Variants in NSRP1 observed in about 807,000 individuals in gnomAD.
NSRP1 encodes nuclear speckle splicing regulatory protein 1, also known as coiled-coil domain containing 55.
NSRP1 carries 24 observed loss-of-function variants against 54.7 expected under a neutral mutation model. The observed-to-expected ratio is 0.44, with a 90% CI of 0.32 to 0.62. The LOEUF (loss-of-function observed/expected upper bound fraction) is 0.62, where lower values mean the gene tolerates loss of function less well. Among genes scored for constraint, NSRP1 ranks in the 20% least tolerant of loss-of-function variants. The pLI is 0.06. For synonymous variants in NSRP1, 210 were observed against 213.8 expected, an observed-to-expected ratio of 0.98 and a Z score of 0.15; for missense variants, 596 against 651.2, an observed-to-expected ratio of 0.92 and a Z score of 0.92.
At chr17:30,149,774 G>A (rs187161387) in intron 2 of NSRP1, among the ~76,000 whole-genome samples, 239 of 149,660 alleles carry the variant, frequency 1.6e-3, no homozygotes, top group Middle Eastern at 7.0e-3. Flanking sequence ...GGTCAAGGCT[G>A]CAGTGAGCCA....
At chr17:30,173,086 C>A (rs1001162875) in intron 3 of NSRP1, among the ~76,000 whole-genome samples, 4 of 151,818 alleles carry the variant, frequency 2.6e-5, no homozygotes, top group Admixed American at 2.6e-4. Flanking sequence ...GCTTCAGCCT[C>A]CCGAGTAGCT....
chr17:30,141,775 G>T (rs1474071531), intron 2 of NSRP1, among the ~76,000 whole-genome samples: 1 of 152,172 alleles, frequency 6.6e-6, no homozygotes, highest in South Asian at 2.1e-4. Flanking sequence ...GGCCAAAGTG[G>T]GCGGATTGAT....
intron 6 of NSRP1, among the ~76,000 whole-genome samples, chr17:30,184,395 T>C (rs1042444031): frequency 3.3e-5 from 5 of 152,218 alleles, no homozygotes; most frequent in Non-Finnish European, 5.9e-5. Context: ...TTTTCTCTTT[T>C]CACTTCTACA....
At chr17:30,182,661 A>G (rs1035498612) in intron 6 of NSRP1, among the ~76,000 whole-genome samples, 5 of 143,636 alleles carry the variant, frequency 3.5e-5, no homozygotes, top group African/African-American at 1.3e-4. Context: ...ATGGCTGGGC[A>G]CGGTGGCTCA....
intron 2 of NSRP1, among the ~76,000 whole-genome samples, chr17:30,123,833 C>G (rs1392469764): frequency 6.6e-6 from 1 of 152,060 alleles, no homozygotes; most frequent in South Asian, 2.1e-4. Flanking sequence ...ATTAAATCGT[C>G]CATCGTCTAT....
chr17:30,120,998 T>C (rs1025304926), intron 2 of NSRP1, among the ~76,000 whole-genome samples: 1 of 152,058 alleles, frequency 6.6e-6, no homozygotes. Flanking sequence ...AAAATAGAGG[T>C]GAAATAATTT....
chr17:30,133,332 A>T (rs1473347793), intron 2 of NSRP1, among the ~76,000 whole-genome samples: 2 of 152,146 alleles, frequency 1.3e-5, no homozygotes, highest in Non-Finnish European at 2.9e-5. Context: ...TAGTGTGTTG[A>T]TAGGCCTGAA....
chr17:30,140,818 G>A (rs892253131), intron 2 of NSRP1, among the ~76,000 whole-genome samples: 4 of 152,070 alleles, frequency 2.6e-5, no homozygotes, highest in African/African-American at 7.2e-5. Flanking sequence ...GTGAGCCACC[G>A]CATCCGGCCC....
At chr17:30,139,965 A>C (rs902473845) in intron 2 of NSRP1, among the ~76,000 whole-genome samples, 2 of 152,194 alleles carry the variant, frequency 1.3e-5, no homozygotes, top group African/African-American at 2.4e-5. Flanking sequence ...CGGAGCTTGC[A>C]GTGAACCGAG....
intron 2 of NSRP1, among the ~76,000 whole-genome samples, chr17:30,156,958 T>C (rs968415089): frequency 6.6e-6 from 1 of 152,218 alleles, no homozygotes; most frequent in Non-Finnish European, 1.5e-5. Flanking sequence ...AACATAAAAG[T>C]GCATGTATCC....
chr17:30,172,730 C>T lies in NSRP1; in HGVS notation c.171+132C>T, dbSNP rs189222145. The T allele has an allele frequency of 6.9e-4, 420 of 609,060 alleles. 3 individuals carry two copies. Among genetic ancestry groups the T allele is most frequent in the Middle Eastern group, 4.0e-3 (15 of 3,724 alleles). The allele number at this position is 609,060 out of a possible 1,614,324, so 37.7% of individuals were successfully genotyped here. A position where few individuals can be genotyped will look rare whatever the true frequency, so the allele number is the denominator to read the frequency against. ...GAAAAACACAATGAAGAATTAGCTCCTTATTGCTGTGCTATAGATTAAACC... is the reference window on the plus strand; with the variant it reads ...GAAAAACACAATGAAGAATTAGCTCTTTATTGCTGTGCTATAGATTAAACC... On this transcript the variant is annotated intron_variant, in intron 3 of 6. Coordinates refer to ENST00000247026, the MANE Select transcript of NSRP1 (RefSeq NM_032141.4).
chr17:30,121,105 A>AT (rs2071592420), intron 2 of NSRP1, among the ~76,000 whole-genome samples: 1 of 152,204 alleles, frequency 6.6e-6, no homozygotes. Context: ...ATAGGAAAAA[A>AT]TGTTGCAGAT....
intron 2 of NSRP1, among the ~76,000 whole-genome samples, chr17:30,168,591 TAGTA>T (rs1327804652): frequency 2.1e-5 from 3 of 145,904 alleles, no homozygotes; most frequent in African/African-American, 5.2e-5. Context: ...ATAATAATAA[TAGTA>T]ATAATAATAA....
intron 2 of NSRP1, among the ~76,000 whole-genome samples, chr17:30,128,877 A>C (rs868449409): frequency 6.6e-6 from 1 of 151,904 alleles, no homozygotes; most frequent in Non-Finnish European, 1.5e-5. Flanking sequence ...TTTCATATTA[A>C]TGGTAGTTAT....
At chr17:30,132,259 A>G (rs1016426600) in intron 2 of NSRP1, among the ~76,000 whole-genome samples, 2 of 148,192 alleles carry the variant, frequency 1.3e-5, no homozygotes, top group Non-Finnish European at 3.0e-5. Flanking sequence ...AAAAAAAAAA[A>G]GAAAAGAAAA....
In NSRP1 at chr17:30,184,937, G is replaced by A; in HGVS notation, c.940G>A (p.Glu314Lys). ...TKGSRTSRGH[E>K]KREDQHQQKQ... ...AGGATCACGAACGTCGAGAGGACAT[G>A]AGAAAAGGGAAGATCAGCACCAGCA... is the stretch of plus-strand genomic sequence containing the variant. Residue 314 changes from glutamate (E) to lysine (K), a missense_variant, in exon 7 of 7, where the codon GAG becomes AAG. Physicochemically the swap from Glu to Lys is moderately conservative, Grantham distance 56 (BLOSUM62 1). Coordinates refer to ENST00000247026, the MANE Select transcript of NSRP1 (RefSeq NM_032141.4). The A allele has an allele frequency of 6.2e-7, 1 of 1,614,112 alleles. No individual in the cohort carries two copies. Among genetic ancestry groups the A allele is most frequent in the Non-Finnish European group, 8.5e-7 (1 of 1,180,032 alleles).
At chr17:30,172,646 C>G in intron 3 of NSRP1, 48 bp downstream of exon 3, 1 of 1,470,328 alleles carries the variant, frequency 6.8e-7, no homozygotes, top group South Asian at 1.2e-5. Context: ...CATTCCGGCT[C>G]ATTTTTAAGC....
At chr17:30,137,739 A>C (rs2071762702) in intron 2 of NSRP1, among the ~76,000 whole-genome samples, 1 of 152,140 alleles carries the variant, frequency 6.6e-6, no homozygotes, top group Non-Finnish European at 1.5e-5. Flanking sequence ...ACATTGATAG[A>C]TTTTTTTCAA....
intron 2 of NSRP1, chr17:30,122,349 T>TGTGTGTGTATA (rs1481107161): frequency 5.5e-5 from 4 of 72,314 alleles, no homozygotes; most frequent in African/African-American, 1.7e-4. Context: ...ATAACTCTGG[T>TGTGTGTGTATA]TTCATATATA....
Sources: allele counts gnomAD v4.1 joint callset (sites outside exome capture counted in the v4.1 genomes callset), GRCh38; gene constraint gnomAD v4.1.1; transcripts MANE v1.5; gene names NCBI Gene and HGNC (gene_info 2026-07-23, HGNC 2026-07-21).